The following TTC6 variants were observed in gnomAD, a reference collection of about 807,000 sequenced individuals.
TTC6 encodes the protein tetratricopeptide repeat protein 6.
A neutral mutation model predicts 210.4 loss-of-function variants in TTC6; 172 were observed. That is an observed-to-expected ratio of 0.82 (90% confidence interval 0.72 to 0.93). TTC6 has a LOEUF of 0.93. Among genes scored for constraint, TTC6 ranks in the 40% least tolerant of loss-of-function variants. The pLI is 0.00. For synonymous variants in TTC6, 804 were observed against 819.6 expected, an observed-to-expected ratio of 0.98 and a Z score of 0.32; for missense variants, 2,414 against 2,318.1, an observed-to-expected ratio of 1.04 and a Z score of -0.85.
intron 9 of TTC6, 91 bp from the exon 12 acceptor site, chr14:37,738,685 T>G (rs947702711): frequency 4.9e-5 from 53 of 1,091,236 alleles, no homozygotes; most frequent in Non-Finnish European, 5.6e-5. Flanking sequence ...CAAACCACAT[T>G]AATAGTAATT....
chr14:37,838,975 A>C (rs1289403692), intron 29 of TTC6, among the ~76,000 whole-genome samples: 1 of 152,192 alleles, frequency 6.6e-6, no homozygotes, highest in African/African-American at 2.4e-5. Context: ...CCTGCAAAGG[A>C]CATGAACCCA....
At chr14:37,603,046 G>A (rs751567420) in intron 1 of TTC6, among the ~76,000 whole-genome samples, 17 of 152,174 alleles carry the variant, frequency 1.1e-4, no homozygotes, top group Admixed American at 2.6e-4. Context: ...TGCAGCAGGA[G>A]CTTCACAAAT....
chr14:37,645,281 C>T (rs1160546292), intron 1 of TTC6, among the ~76,000 whole-genome samples: 2 of 152,206 alleles, frequency 1.3e-5, no homozygotes, highest in African/African-American at 4.8e-5. Flanking sequence ...CAATTAGAAA[C>T]GGAGGACCTG....
intron 7 of TTC6, among the ~76,000 whole-genome samples, chr14:37,727,656 A>T (rs927358729): frequency 2.6e-5 from 4 of 152,048 alleles, no homozygotes; most frequent in African/African-American, 9.7e-5. Flanking sequence ...TAAAAATAAT[A>T]TAAGTAATTT....
intron 1 of TTC6, among the ~76,000 whole-genome samples, chr14:37,626,697 G>A (rs2095660911): frequency 6.6e-6 from 1 of 152,110 alleles, no homozygotes. Flanking sequence ...CAGACTTGTA[G>A]CTAAAGAAGC....
chr14:37,632,521 C>T (rs1487956510), intron 1 of TTC6, among the ~76,000 whole-genome samples: 7 of 152,164 alleles, frequency 4.6e-5, no homozygotes, highest in African/African-American at 1.7e-4. Context: ...TGCCAAATGC[C>T]AGCTGGAGCT....
chr14:37,812,176 G>T, intron 24 of TTC6, 138 bp from the exon 27 acceptor site: 1 of 833,528 alleles, frequency 1.2e-6, no homozygotes. Flanking sequence ...TCTAACATAT[G>T]ATTATTTTGG....
rs187446788 is a variant in TTC6, at chr14:37,697,062, T to A, written c.1376+227T>A. ...TTGACAAATGTACTTACTTTCATGA[T>A]GTAACAATAGCTGGAAAAAATAACT... On this transcript the variant is annotated intron_variant, in intron 4 of 30. Transcript: ENST00000553443. Among the ~76,000 whole-genome samples, 700 of 152,270 alleles carry A rather than the reference T, an allele frequency of 4.6e-3. 3 individuals are homozygous for A. Among genetic ancestry groups the A allele is most frequent in the Non-Finnish European group, 7.0e-3 (477 of 67,982 alleles).
intron 3 of TTC6, among the ~76,000 whole-genome samples, chr14:37,692,020 G>A (rs2095804404): frequency 1.3e-5 from 2 of 151,548 alleles, no homozygotes; most frequent in Non-Finnish European, 2.9e-5. Flanking sequence ...CAGGTAACAA[G>A]ATCAAATCCA....
At chr14:37,622,394 C>A in exon 1 of TTC6, 1 of 1,533,684 alleles carries the variant, frequency 6.5e-7, no homozygotes. Flanking sequence ...CGGCTCCAGG[C>A]AAGACCCGGT....
chr14:37,706,024 T>C (rs1333476216), intron 5 of TTC6, among the ~76,000 whole-genome samples: 2 of 152,144 alleles, frequency 1.3e-5, no homozygotes, highest in African/African-American at 2.4e-5. Flanking sequence ...ATCTGATAAC[T>C]GGAAGTAAGT....
chr14:37,803,874 T>C (rs547953775), intron 20 of TTC6, among the ~76,000 whole-genome samples: 72 of 152,346 alleles, frequency 4.7e-4, no homozygotes, highest in African/African-American at 1.7e-3. Context: ...ATACAGCTAA[T>C]GCTCAATAGA....
chr14:37,793,453 A>G (rs564340304), intron 17 of TTC6, among the ~76,000 whole-genome samples: 2 of 152,306 alleles, frequency 1.3e-5, no homozygotes, highest in African/African-American at 2.4e-5. Flanking sequence ...GACTGCCTGG[A>G]GGCTCTGCCT....
chr14:37,732,743 G>C (rs952329566), intron 7 of TTC6, among the ~76,000 whole-genome samples: 1 of 151,108 alleles, frequency 6.6e-6, no homozygotes, highest in East Asian at 2.0e-4. Flanking sequence ...TCAGCCTCCC[G>C]AGTAGCTGGG....
intron 10 of TTC6, among the ~76,000 whole-genome samples, chr14:37,740,744 TG>T (rs1167083870): frequency 6.6e-6 from 1 of 152,192 alleles, no homozygotes; most frequent in Non-Finnish European, 1.5e-5. Flanking sequence ...TGTAGGAGAC[TG>T]CAAGTAGGTT....
At chr14:37,806,412 A>C in exon 22 of TTC6, 1 of 1,535,658 alleles carries the variant, frequency 6.5e-7, no homozygotes, top group South Asian at 1.2e-5. Context: ...TTTTGCAGAA[A>C]GCTTTTATCA....
At chr14:37,744,382 A>G (rs983604499) in intron 10 of TTC6, among the ~76,000 whole-genome samples, 2 of 152,244 alleles carry the variant, frequency 1.3e-5, no homozygotes, top group Non-Finnish European at 2.9e-5. Context: ...AAAGGTTACT[A>G]TTTTAGACAG....
chr14:37,817,633 C>T (rs757336322), exon 26 of TTC6: 2 of 1,614,032 alleles, frequency 1.2e-6, no homozygotes, highest in Admixed American at 3.3e-5. Flanking sequence ...TGTCACGCCA[C>T]TGCCATGTGC....
At chr14:37,700,883 A>G (rs961934501) in intron 4 of TTC6, among the ~76,000 whole-genome samples, 7 of 151,908 alleles carry the variant, frequency 4.6e-5, no homozygotes, top group South Asian at 2.1e-4. Context: ...CCAGAGTTCT[A>G]TCAATGCTAG....
Sources: allele counts gnomAD v4.1 joint callset (sites outside exome capture counted in the v4.1 genomes callset), GRCh38; gene constraint gnomAD v4.1.1; transcripts MANE v1.5; gene names NCBI Gene and HGNC (gene_info 2026-07-23, HGNC 2026-07-21).